The following EDAR variants were observed in gnomAD, a reference collection of about 807,000 sequenced individuals.
EDAR encodes the protein ectodysplasin A receptor, also known as tumor necrosis factor receptor superfamily member EDAR.
EDAR carries 38 observed loss-of-function variants against 51.3 expected under a neutral mutation model. That is an observed-to-expected ratio of 0.74 (90% CI 0.57 to 0.97). The LOEUF is 0.97. Ranked by LOEUF, EDAR falls within the 50% of genes least tolerant of loss-of-function variation. The probability of loss-of-function intolerance (pLI) is 0.00; values close to 1 mark genes in which losing one functional copy is unlikely to be tolerated. For missense variants in EDAR, 528 were observed against 595.0 expected (o/e 0.89, Z 1.17); for synonymous variants, 227 against 242.1 (o/e 0.94, Z 0.58).
Position 108,923,488 on chromosome 2 carries a change from T to G in EDAR, c.357-35A>C, listed in dbSNP as rs774744688. The G allele has an allele frequency of 2.5e-6, 4 of 1,597,062 alleles. No individual in the cohort carries two copies. In the Admixed American group the frequency reaches 6.7e-5, roughly 27 times the overall value. On this transcript the variant is annotated intron_variant, in intron 4 of 11. Transcript: ENST00000258443. ...AGAGACAAGACAAAACAGAGACAGG[T>G]GAGCTGGACAGCACACAGGCAGGGA...
intron 1 of EDAR, among the ~76,000 whole-genome samples, chr2:108,973,905 T>A (rs562461691): frequency 1.3e-5 from 2 of 152,334 alleles, no homozygotes; most frequent in South Asian, 4.1e-4. Context: ...ACAAGGCTCT[T>A]ACCCATTTTA....
chr2:108,925,257 T>A (rs150246791), intron 4 of EDAR, among the ~76,000 whole-genome samples: 2 of 152,234 alleles, frequency 1.3e-5, no homozygotes, highest in African/African-American at 2.4e-5. Context: ...GCTGAATGAA[T>A]GAATGACACC....
chr2:108,923,890 T>C (rs1409261033), intron 4 of EDAR, among the ~76,000 whole-genome samples: 1 of 152,226 alleles, frequency 6.6e-6, no homozygotes, highest in Non-Finnish European at 1.5e-5. Context: ...AGTGGGATTA[T>C]AGGCATCAGT....
Position 108,970,279 on chromosome 2 carries a change from C to G in EDAR, c.-19+18681G>C, listed in dbSNP as rs539997538. Among the ~76,000 whole-genome samples the G allele has an allele frequency of 3.3e-5, 5 of 152,206 alleles. No individual in the cohort carries two copies. The South Asian group carries it at 8.3e-4, about 25-fold the overall frequency. On this transcript the variant is annotated intron_variant, in intron 1 of 11. Coordinates refer to ENST00000258443, the MANE Select transcript of EDAR (RefSeq NM_022336.4). ...CATTTGAGTTAAAGAAGCTTCTTTA[C>G]GACACCAGGAGACATGAGATGTTTG...
intron 1 of EDAR, among the ~76,000 whole-genome samples, chr2:108,954,910 C>T (rs1250421245): frequency 6.6e-6 from 1 of 152,112 alleles, no homozygotes; most frequent in Non-Finnish European, 1.5e-5. Flanking sequence ...CCTTGAACTC[C>T]TGACCTCAGG....
At chr2:108,972,070 C>T (rs1260996821) in intron 1 of EDAR, among the ~76,000 whole-genome samples, 1 of 152,226 alleles carries the variant, frequency 6.6e-6, no homozygotes, top group Non-Finnish European at 1.5e-5. Context: ...GCAGCCCAGC[C>T]GACTGCAGCC....
Position 108,932,255 on chromosome 2 carries a change from G to A in EDAR, c.-18-1223C>T, listed in dbSNP as rs188829077. Among the ~76,000 whole-genome samples the A allele has an allele frequency of 2.3e-3, 356 of 152,182 alleles. 2 individuals are homozygous for A. The South Asian group carries it at 0.026, about 11-fold the overall frequency. On this transcript the variant is annotated intron_variant, in intron 1 of 11. Coordinates refer to ENST00000258443, the MANE Select transcript of EDAR (RefSeq NM_022336.4). ...ATAAATTAAGTTGGAGAGGCTGAGC[G>A]CGGTGGCTCACACCTGTAATCCCAG...
At chr2:108,901,870 G>A (rs1222363367) in intron 11 of EDAR, among the ~76,000 whole-genome samples, 1 of 152,038 alleles carries the variant, frequency 6.6e-6, no homozygotes, top group Non-Finnish European at 1.5e-5. Context: ...TTGGGAGGCC[G>A]AGGTGGGTAT....
At chr2:108,909,733 C>G (rs1243915974) in intron 9 of EDAR, among the ~76,000 whole-genome samples, 1 of 152,224 alleles carries the variant, frequency 6.6e-6, no homozygotes, top group East Asian at 1.9e-4. Context: ...ATATTGACTT[C>G]CCTCTACCCT....
chr2:108,972,000 G>A (rs1449145387), intron 1 of EDAR, among the ~76,000 whole-genome samples: 2 of 152,182 alleles, frequency 1.3e-5, no homozygotes, highest in Admixed American at 1.3e-4. Context: ...GCCTCCTGCC[G>A]CAGCCACTTG....
At chr2:108,908,077 A>G (rs1696846971) in intron 9 of EDAR, 58 bp from the exon 10 acceptor site, 2 of 1,534,878 alleles carry the variant, frequency 1.3e-6, no homozygotes, top group African/African-American at 1.4e-5. Flanking sequence ...AGCCCTGACA[A>G]GTTCTCCTGT....
intron 1 of EDAR, among the ~76,000 whole-genome samples, chr2:108,964,746 C>G (rs1484420793): frequency 6.6e-6 from 1 of 152,210 alleles, no homozygotes; most frequent in Admixed American, 6.5e-5. Flanking sequence ...TCAGTGCTCA[C>G]TAAGTGACAG....
In EDAR at chr2:108,894,894, C is replaced by CTGG. The variant is rs1696551376; in HGVS notation, c.*2012_*2013insCCA. 2.0e-5 allele frequency: 3 copies of CTGG among 152,134 alleles called. No homozygotes were observed. Among genetic ancestry groups the CTGG allele is most frequent in the African/African-American group, 7.2e-5 (3 of 41,428 alleles). The allele number at this position is 152,134 out of a possible 1,614,324, so 9.4% of individuals were successfully genotyped here. On this transcript the variant is annotated 3_prime_UTR_variant, in exon 12 of 12. Transcript: ENST00000258443. ...ATAGTGTGAAATGAGGCCAAAGCACCAGGAGCAGAGAACAGCCACCCCACT... is the reference window on the plus strand; with the variant it reads ...ATAGTGTGAAATGAGGCCAAAGCACCTGGAGGAGCAGAGAACAGCCACCCCACT...
chr2:108,970,552 G>C (rs1698216916), intron 1 of EDAR, among the ~76,000 whole-genome samples: 1 of 152,090 alleles, frequency 6.6e-6, no homozygotes, highest in Admixed American at 6.5e-5. Flanking sequence ...TGACTGGGCA[G>C]GGAGGTGGAC....
chr2:108,956,784 C>CTTTTTT (rs967646109), intron 1 of EDAR, among the ~76,000 whole-genome samples: 1 of 123,590 alleles, frequency 8.1e-6, no homozygotes, highest in African/African-American at 3.8e-5. Context: ...CGAAAGCTCT[C>CTTTTTT]TTTTTTTTTT....
chr2:108,987,780 C>T (rs539711716), intron 1 of EDAR, among the ~76,000 whole-genome samples: 7 of 152,322 alleles, frequency 4.6e-5, no homozygotes, highest in East Asian at 1.9e-4. Flanking sequence ...GGACTGTCAT[C>T]GGAACGAACG....
chr2:108,971,715 T>A (rs768160035), intron 1 of EDAR, among the ~76,000 whole-genome samples: 1 of 151,618 alleles, frequency 6.6e-6, no homozygotes, highest in Admixed American at 6.6e-5. Flanking sequence ...TAAAGAGGAG[T>A]TGGCATTAGA....
rs1558815592 is a variant in EDAR, at chr2:108,931,004, A to G, written c.11T>C (p.Val4Ala). 1 of 1,614,010 alleles carries G rather than the reference A, an allele frequency of 6.2e-7. No homozygotes were observed. The highest frequency in any genetic ancestry group is 1.3e-5 in the African/African-American group (1 of 75,070). ...CCAGGGCGTCTGCGTGCAGTCCCCC[A>G]CATGGGCCATCCTCTCCCAAGGGCT... Reference protein sequence around the residue: MAHVGDCTQTPWLP... With the variant: MAHAGDCTQTPWLP... Residue 4 changes from valine (V) to alanine (A), a missense_variant, in exon 2 of 12, where the codon GTG becomes GCG. By Grantham distance (64) the Val-to-Ala change is moderately conservative (BLOSUM62 0). Transcript: ENST00000258443.
chr2:108,931,493 C>T (rs750111562), intron 1 of EDAR, among the ~76,000 whole-genome samples: 6 of 152,202 alleles, frequency 3.9e-5, no homozygotes, highest in Non-Finnish European at 8.8e-5. Flanking sequence ...TAGTGTTCTT[C>T]CCTCTCTCTG....
Sources: allele counts gnomAD v4.1 joint callset (sites outside exome capture counted in the v4.1 genomes callset), GRCh38; gene constraint gnomAD v4.1.1; transcripts MANE v1.5; gene names NCBI Gene and HGNC (gene_info 2026-07-23, HGNC 2026-07-21).